GALNT17: variants seen among roughly 807,000 people sequenced by gnomAD.
GALNT17 encodes UDP-GalNAc:polypeptide N-acetylgalactosaminyltransferase-like 3.
Under a neutral mutation model 63.7 loss-of-function variants are expected in GALNT17, and 29 were observed. The ratio of observed to expected loss-of-function variants is 0.46; its 90% confidence interval spans 0.34 to 0.62. GALNT17 has a LOEUF of 0.62. Among genes scored for constraint, GALNT17 ranks in the 20% least tolerant of loss-of-function variants. The probability of loss-of-function intolerance (pLI) is 0.01; values close to 1 mark genes in which losing one functional copy is unlikely to be tolerated. For missense variants in GALNT17, 603 were observed against 799.6 expected, an observed-to-expected ratio of 0.75 and a Z score of 2.97; for synonymous variants, 305 against 318.3, an observed-to-expected ratio of 0.96 and a Z score of 0.45.
intron 1 of GALNT17, among the ~76,000 whole-genome samples, chr7:71,180,789 A>C (rs1229010369): frequency 6.6e-6 from 1 of 152,118 alleles, no homozygotes; most frequent in East Asian, 1.9e-4. Context: ...ATGAAAGCTG[A>C]GTGATGGCAT....
chr7:71,421,193 T>C (rs1324841873), intron 5 of GALNT17, 88 bp downstream of exon 5: 12 of 1,449,046 alleles, frequency 8.3e-6, no homozygotes, highest in African/African-American at 2.8e-5. Flanking sequence ...AAAGCCTGCC[T>C]TGGGCTCGAG....
intron 1 of GALNT17, among the ~76,000 whole-genome samples, chr7:71,192,811 TGTCA>T (rs1157462855): frequency 1.3e-5 from 2 of 152,222 alleles, no homozygotes; most frequent in African/African-American, 4.8e-5. Context: ...CATTTGGTGT[TGTCA>T]GTCTTTTTCC....
At chr7:71,338,408 T>TA (rs1791950921) in intron 2 of GALNT17, among the ~76,000 whole-genome samples, 1 of 151,924 alleles carries the variant, frequency 6.6e-6, no homozygotes, top group African/African-American at 2.4e-5. Flanking sequence ...CATGCCTATA[T>TA]AGTCCCAGCT....
At chr7:71,433,467 A>G (rs1786904960) in intron 5 of GALNT17, among the ~76,000 whole-genome samples, 2 of 152,234 alleles carry the variant, frequency 1.3e-5, no homozygotes, top group Non-Finnish European at 2.9e-5. Context: ...CTCTATGACT[A>G]TACTAAAAAC....
chr7:71,628,529 G>T (rs180748042), intron 6 of GALNT17, among the ~76,000 whole-genome samples: 34 of 152,000 alleles, frequency 2.2e-4, no homozygotes. Flanking sequence ...CACCGTGTTG[G>T]CTATGCTGGT....
At chr7:71,154,283 G>T (rs931346964) in intron 1 of GALNT17, among the ~76,000 whole-genome samples, 1 of 152,164 alleles carries the variant, frequency 6.6e-6, no homozygotes, top group African/African-American at 2.4e-5. Context: ...GTTTGTGTCT[G>T]TTCAGCGCAG....
At chr7:71,543,186 C>G (rs190911458) in intron 5 of GALNT17, among the ~76,000 whole-genome samples, 24 of 152,124 alleles carry the variant, frequency 1.6e-4, no homozygotes, top group Non-Finnish European at 2.6e-4. Context: ...TGAAATTGAC[C>G]CTGACATAGT....
At chr7:71,482,900 C>T (rs1222774871) in intron 5 of GALNT17, among the ~76,000 whole-genome samples, 1 of 152,060 alleles carries the variant, frequency 6.6e-6, no homozygotes, top group Admixed American at 6.6e-5. Context: ...TGTTCATGCT[C>T]CTATGAGAAT....
intron 5 of GALNT17, among the ~76,000 whole-genome samples, chr7:71,451,199 C>G (rs1019335025): frequency 3.9e-5 from 6 of 152,056 alleles, no homozygotes; most frequent in African/African-American, 1.4e-4. Context: ...TTTGTCCTTG[C>G]AATAGTTTGC....
intron 2 of GALNT17, among the ~76,000 whole-genome samples, chr7:71,339,761 G>C (rs1329037746): frequency 6.6e-6 from 1 of 152,038 alleles, no homozygotes; most frequent in Non-Finnish European, 1.5e-5. Flanking sequence ...AACAGAAGGA[G>C]CACACTTGGT....
chr7:71,407,008 ACT>A (rs1438751391), intron 3 of GALNT17, among the ~76,000 whole-genome samples: 3 of 152,206 alleles, frequency 2.0e-5, no homozygotes, highest in South Asian at 4.1e-4. Context: ...TCTGTGCCAA[ACT>A]CTGCGTTGAA....
At chr7:71,473,726 A>G (rs1025559569) in intron 5 of GALNT17, among the ~76,000 whole-genome samples, 8 of 152,126 alleles carry the variant, frequency 5.3e-5, no homozygotes, top group Non-Finnish European at 7.4e-5. Flanking sequence ...GGGGTGGCCT[A>G]GGCTTTTATT....
At chr7:71,426,531 G>A (rs1051286673) in intron 5 of GALNT17, among the ~76,000 whole-genome samples, 1 of 152,164 alleles carries the variant, frequency 6.6e-6, no homozygotes, top group Non-Finnish European at 1.5e-5. Flanking sequence ...CAGTTCTGCA[G>A]GCTGTACAAA....
At chr7:71,460,595 G>T (rs1196393105) in intron 5 of GALNT17, among the ~76,000 whole-genome samples, 2 of 152,162 alleles carry the variant, frequency 1.3e-5, no homozygotes, top group Non-Finnish European at 2.9e-5. Flanking sequence ...ATGCAAGAAA[G>T]AATTTAAGGC....
chr7:71,695,642 A>G (rs1490810890), intron 9 of GALNT17, among the ~76,000 whole-genome samples: 2 of 152,186 alleles, frequency 1.3e-5, no homozygotes, highest in African/African-American at 4.8e-5. Flanking sequence ...GAACATTTCC[A>G]TCTCCCTCAA....
intron 5 of GALNT17, among the ~76,000 whole-genome samples, chr7:71,489,187 C>A (rs766097714): frequency 5.3e-5 from 8 of 152,120 alleles, no homozygotes; most frequent in Non-Finnish European, 1.5e-5. Context: ...AGCCACTGCA[C>A]CCAACCAGGT....
intron 1 of GALNT17, among the ~76,000 whole-genome samples, chr7:71,276,862 G>A (rs977957408): frequency 2.6e-5 from 4 of 152,224 alleles, no homozygotes; most frequent in Admixed American, 1.3e-4. Context: ...AGCAGGCATC[G>A]TGGTGGGCAC....
intron 1 of GALNT17, among the ~76,000 whole-genome samples, chr7:71,292,666 AGAGTGTGTGTGTGTGTGT>A (rs1311993592): frequency 8.5e-5 from 10 of 117,016 alleles, no homozygotes; most frequent in Admixed American, 1.7e-4. Context: ...AGAGAGAGAG[AGAGTGTGTGTGTGTGTGT>A]GTGTGTGTGT....
At chr7:71,242,240 ATTTCTTTTTTTTTTTTTTTCTTTTTCTT>A (rs1790008777) in intron 1 of GALNT17, among the ~76,000 whole-genome samples, 1 of 122,694 alleles carries the variant, frequency 8.2e-6, no homozygotes, top group Non-Finnish European at 1.7e-5. Flanking sequence ...TAGGGATCAC[ATTTCTTTTTTTTTTTTTTTCTTTTTCTT>A]TTTCTTTTTT....
Sources: allele counts gnomAD v4.1 joint callset (sites outside exome capture counted in the v4.1 genomes callset), GRCh38; gene constraint gnomAD v4.1.1; transcripts MANE v1.5; gene names NCBI Gene and HGNC (gene_info 2026-07-23, HGNC 2026-07-21).